The following ACSL1 variants were observed in gnomAD, a reference collection of about 807,000 sequenced individuals.
ACSL1 encodes the protein long-chain-fatty-acid--CoA ligase 1.
ACSL1 carries 41 observed loss-of-function variants against 98.4 expected under a neutral mutation model. That is an observed-to-expected ratio of 0.42 (90% confidence interval 0.32 to 0.54). The LOEUF is 0.54. ACSL1 is among the 20% of genes least tolerant of loss of function. ACSL1 has a pLI of 0.13. For missense variants in ACSL1, 734 were observed against 883.1 expected (o/e 0.83, Z 2.14); for synonymous variants, 316 against 322.7 (o/e 0.98, Z 0.22).
rs141751148 is a variant in ACSL1 at position 184,817,456 on chromosome 4, G to A, written c.-33+8460C>T. Reference sequence around the variant, plus strand: ...TTTCTATTCTATTCTACAATCTAATGGATGGTCTAGGCAGCCACTATGGGG... The same window carrying A: ...TTTCTATTCTATTCTACAATCTAATAGATGGTCTAGGCAGCCACTATGGGG... On this transcript the variant is annotated intron_variant, in intron 1 of 20. Coordinates refer to ENST00000281455, the MANE Select transcript of ACSL1 (RefSeq NM_001995.5). Among the ~76,000 whole-genome samples the A allele has an allele frequency of 7.8e-3, 1,185 of 152,242 alleles. 16 individuals are homozygous for A. Among genetic ancestry groups the A allele is most frequent in the African/African-American group, 0.027 (1,134 of 41,536 alleles).
chr4:184,815,160 T>C (rs10003568), intron 1 of ACSL1: 3 of 454,614 alleles, frequency 6.6e-6, no homozygotes. Flanking sequence ...GCACCAGGCA[T>C]CCGAGGGAGG....
chr4:184,813,353 A>C lies in ACSL1; in HGVS notation c.-32-9807T>G, dbSNP rs757379214. ...TGAGGCAGATAAGTTTACTGATAAG[A>C]GCTAGAGAAGGCAGCCAACTTGGGC... On this transcript the variant is annotated intron_variant, in intron 1 of 20. Coordinates refer to ENST00000281455, the MANE Select transcript of ACSL1 (RefSeq NM_001995.5). Among the ~76,000 whole-genome samples the C allele has an allele frequency of 1.2e-4, 19 of 152,334 alleles. No individual in the cohort carries two copies. In the South Asian group the frequency reaches 2.3e-3, roughly 18 times the overall value.
intron 5 of ACSL1, 134 bp from the exon 6 acceptor site, chr4:184,777,117 C>T (rs1765411957): frequency 2.7e-6 from 2 of 747,222 alleles, no homozygotes; most frequent in Non-Finnish European, 4.5e-6. Flanking sequence ...AGCTACTACT[C>T]TGTGCCAGGT....
At chr4:184,775,034 A>G (rs1178410920) in intron 7 of ACSL1, among the ~76,000 whole-genome samples, 1 of 152,266 alleles carries the variant, frequency 6.6e-6, no homozygotes, top group African/African-American at 2.4e-5. Context: ...CACCAGTTAC[A>G]TACAATTTGG....
At chr4:184,784,027 G>T in intron 3 of ACSL1, 36 bp from the exon 4 acceptor site, 1 of 1,530,604 alleles carries the variant, frequency 6.5e-7, no homozygotes, top group Non-Finnish European at 9.0e-7. Context: ...TGGGCTGAAC[G>T]TACATAAATA....
chr4:184,764,820 A>C (rs1053965999), intron 15 of ACSL1, 33 bp downstream of exon 15: 1 of 1,591,134 alleles, frequency 6.3e-7, no homozygotes, highest in Non-Finnish European at 8.6e-7. Flanking sequence ...TATGAATAAC[A>C]AAATTCCAAA....
intron 1 of ACSL1, among the ~76,000 whole-genome samples, chr4:184,824,524 C>G (rs1230609399): frequency 6.6e-6 from 1 of 152,100 alleles, no homozygotes; most frequent in South Asian, 2.1e-4. Context: ...GTGCGGCTAA[C>G]AAGTTTATTT....
chr4:184,765,824 CTT>C, intron 14 of ACSL1, 65 bp downstream of exon 14: 1 of 1,403,770 alleles, frequency 7.1e-7, no homozygotes, highest in Non-Finnish European at 1.0e-6. Flanking sequence ...GTACAGATGA[CTT>C]TTGGTGCAGA....
chr4:184,818,290 T>C (rs1772793573), intron 1 of ACSL1, among the ~76,000 whole-genome samples: 1 of 152,186 alleles, frequency 6.6e-6, no homozygotes. Context: ...AGTAGAGTTA[T>C]GTAACATTAG....
intron 1 of ACSL1, among the ~76,000 whole-genome samples, chr4:184,820,296 C>T (rs1009359789): frequency 2.2e-4 from 33 of 152,318 alleles, no homozygotes; most frequent in Middle Eastern, 3.4e-3. Flanking sequence ...GGATTACAGG[C>T]GTGAGCCACT....
At position 184,765,003 on chromosome 4, in the gene ACSL1, T is replaced by C. The variant is rs1475020132; in HGVS notation, c.1360-78A>G. The C allele has an allele frequency of 6.4e-6, 9 of 1,407,042 alleles. No individual in the cohort carries two copies. The Admixed American group carries it at 1.4e-4, about 21-fold the overall frequency. 87.2% of individuals were successfully genotyped at this position (1,407,042 alleles called of 1,614,324 possible). ...CTGGAAGTGCACAAGCAATGAAGTCTCACTAACTCCCAAGTCATGGCTGAC... is the reference window on the plus strand; with the variant it reads ...CTGGAAGTGCACAAGCAATGAAGTCCCACTAACTCCCAAGTCATGGCTGAC... On this transcript the variant is annotated intron_variant, in intron 14 of 20. Coordinates refer to ENST00000281455, the MANE Select transcript of ACSL1 (RefSeq NM_001995.5).
rs61564967 is a variant in ACSL1, at chr4:184,786,418, GCACACACA to G, written c.310+2191_310+2198del. On this transcript the variant is annotated intron_variant, in intron 3 of 20. Coordinates refer to ENST00000281455, the MANE Select transcript of ACSL1 (RefSeq NM_001995.5). ...ATATGTGCTCTGTGGTGGTGGCAAA[GCACACACA>G]CACACACACACACACACACACACAC... Among the ~76,000 whole-genome samples the G allele has an allele frequency of 4.6e-3, 635 of 138,910 alleles. 2 individuals carry two copies. The highest frequency in any genetic ancestry group is 7.7e-3 in the Middle Eastern group (2 of 260). 91.1% of individuals were successfully genotyped at this position (138,910 alleles called of 152,430 possible).
In ACSL1 at chr4:184,819,606, C is replaced by G. The variant is rs184130381; in HGVS notation, c.-33+6310G>C. Reference sequence around the variant, plus strand: ...ACCCAGGTACAGTGTCTTGGGTACACAGACCCATTAACCCCATGCCGCCAG... The same window carrying G: ...ACCCAGGTACAGTGTCTTGGGTACAGAGACCCATTAACCCCATGCCGCCAG... On this transcript the variant is annotated intron_variant, in intron 1 of 20. Transcript: ENST00000281455. Among the ~76,000 whole-genome samples the G allele has an allele frequency of 6.1e-4, 92 of 152,036 alleles. 1 individual carries two copies. Among genetic ancestry groups the G allele is most frequent in the African/African-American group, 2.1e-3 (87 of 41,364 alleles).
intron 1 of ACSL1, chr4:184,813,852 C>T (rs374816265): frequency 1.8e-5 from 8 of 456,028 alleles, no homozygotes; most frequent in Middle Eastern, 3.2e-4. Context: ...TTTCCTCCTC[C>T]GAGGGCCATG....
chr4:184,795,916 A>G (rs1432939739), intron 2 of ACSL1, among the ~76,000 whole-genome samples: 1 of 152,178 alleles, frequency 6.6e-6, no homozygotes, highest in Non-Finnish European at 1.5e-5. Flanking sequence ...AAATAAAAAC[A>G]CCCCCTCTAA....
chr4:184,777,402 G>A (rs1765462576), intron 5 of ACSL1, among the ~76,000 whole-genome samples: 1 of 150,674 alleles, frequency 6.6e-6, no homozygotes, highest in East Asian at 2.0e-4. Flanking sequence ...AGGCTGCAGT[G>A]AGCTGTGATC....
Position 184,766,875 on chromosome 4 carries a change from G to C in ACSL1, c.1129-119C>G, listed in dbSNP as rs1763690446. 1.7e-6 allele frequency: 2 copies of C among 1,196,178 alleles called. No individual in the cohort carries two copies. The highest frequency in any genetic ancestry group is 2.3e-6 in the Non-Finnish European group (2 of 868,784). 74.1% of individuals were successfully genotyped at this position (1,196,178 alleles called of 1,614,324 possible). On this transcript the variant is annotated intron_variant, in intron 12 of 20. Transcript: ENST00000281455. This position sits in a 1 kb window ranked among gnomAD's most constrained non-coding sequence, Gnocchi z 4.8. ...GAACACAAAATGGCACAGCTGCTCT[G>C]ACAGCCTGGCCGGTCCTCTAACGGC... is the stretch of plus-strand genomic sequence containing the variant.
In ACSL1 at chr4:184,757,740, G is replaced by C. The variant is rs1423433596; in HGVS notation, c.1885-34C>G. On this transcript the variant is annotated intron_variant, in intron 19 of 20. Coordinates refer to ENST00000281455, the MANE Select transcript of ACSL1 (RefSeq NM_001995.5). The surrounding 1 kb of genome is among the most constrained non-coding windows in gnomAD (Gnocchi z 4.5). ...GTAAGAAAAATAAATTACTTCCTCT[G>C]TTAGAGGTCCCTGAATATCTACAGG... 1 of 1,610,862 alleles carries C rather than the reference G, an allele frequency of 6.2e-7. No homozygotes were observed. Among genetic ancestry groups the C allele is most frequent in the Admixed American group, 1.7e-5 (1 of 59,964 alleles).
At chr4:184,811,565 C>T (rs1345431464) in intron 1 of ACSL1, among the ~76,000 whole-genome samples, 1 of 152,064 alleles carries the variant, frequency 6.6e-6, no homozygotes, top group Non-Finnish European at 1.5e-5. Flanking sequence ...AGGACAAATA[C>T]TACATGATCT....
Sources: gnomAD v4.1 joint callset for allele counts (sites outside exome capture counted in the v4.1 genomes callset) on GRCh38, gnomAD v4.1.1 for gene constraint, Gnocchi (gnomAD v3.1) non-coding constraint, MANE v1.5 for transcripts, NCBI Gene and HGNC (gene_info 2026-07-23, HGNC 2026-07-21) for gene names.